GAREM1: variants seen among roughly 807,000 people sequenced by gnomAD.
The protein encoded by GAREM1 is GRB2-associated and regulator of MAPK protein 1.
In GAREM1, 26 loss-of-function variants were observed where a neutral mutation model predicts 71.3. The ratio of observed to expected loss-of-function variants is 0.36; its 90% confidence interval spans 0.27 to 0.51. GAREM1 has a LOEUF of 0.51. Among genes scored for constraint, GAREM1 ranks in the 20% least tolerant of loss-of-function variants. GAREM1 has a pLI of 0.95. For missense variants in GAREM1, 1,026 were observed against 1,103.1 expected (o/e 0.93, Z 0.99); for synonymous variants, 440 against 433.2 (o/e 1.02, Z -0.20).
intron 1 of GAREM1, among the ~76,000 whole-genome samples, chr18:32,420,248 T>G (rs1379103081): frequency 6.6e-6 from 1 of 152,106 alleles, no homozygotes; most frequent in Non-Finnish European, 1.5e-5. Context: ...ACTTCCTTTC[T>G]TTGCTCCTTT....
At chr18:32,367,224 A>T (rs746858773) in intron 2 of GAREM1, among the ~76,000 whole-genome samples, 1 of 152,240 alleles carries the variant, frequency 6.6e-6, no homozygotes. Context: ...TTTTAAAAGA[A>T]ATACCACTTA....
At chr18:32,463,250 G>A (rs766942259) in intron 1 of GAREM1, among the ~76,000 whole-genome samples, 7 of 151,642 alleles carry the variant, frequency 4.6e-5, no homozygotes, top group Admixed American at 2.0e-4. Flanking sequence ...TTTTTAACTA[G>A]TATATGTAAA....
rs991822753 is a variant in GAREM1, at chr18:32,264,219, A to G, written c.*3652T>C. The G allele has an allele frequency of 2.0e-5, 3 of 152,204 alleles. No individual in the cohort carries two copies. Among genetic ancestry groups the G allele is most frequent in the African/African-American group, 7.2e-5 (3 of 41,456 alleles). 9.4% of individuals were successfully genotyped at this position (152,204 alleles called of 1,614,324 possible). On this transcript the variant is annotated 3_prime_UTR_variant, in exon 6 of 6. Coordinates refer to ENST00000269209, the MANE Select transcript of GAREM1 (RefSeq NM_001242409.2). ...GTAACTTGAAAGATAGTGGAAATTG[A>G]TATAAGAGGCATGTTTCTGAAAGCC...
At chr18:32,442,119 A>G (rs1303350780) in intron 1 of GAREM1, among the ~76,000 whole-genome samples, 2 of 152,158 alleles carry the variant, frequency 1.3e-5, no homozygotes, top group South Asian at 2.1e-4. Flanking sequence ...TAAAATTTAT[A>G]TTGAAAATCC....
rs1567972164 is a variant in GAREM1, at chr18:32,343,326, T to TTGTTTTG, written c.263-33004_263-33003insCAAAACA. Among the ~76,000 whole-genome samples, 88 of 150,838 alleles carry TTGTTTTG rather than the reference T, an allele frequency of 5.8e-4. 1 individual carries two copies. The highest frequency in any genetic ancestry group is 2.0e-3 in the African/African-American group (83 of 40,920). ...CTCCCCCACTGTTTTTTTTTTTTTTTTTTTTTGAGACAGAGTCTTGCTCTG... is the reference window on the plus strand; with the variant it reads ...CTCCCCCACTGTTTTTTTTTTTTTTTTGTTTTGTTTTTTGAGACAGAGTCTTGCTCTG... On this transcript the variant is annotated intron_variant, in intron 2 of 5. Coordinates refer to ENST00000269209, the MANE Select transcript of GAREM1 (RefSeq NM_001242409.2).
chr18:32,399,792 T>G (rs1319555225), intron 1 of GAREM1, among the ~76,000 whole-genome samples: 2 of 152,148 alleles, frequency 1.3e-5, no homozygotes, highest in Non-Finnish European at 2.9e-5. Flanking sequence ...AAGCTACCAA[T>G]GACTTTCTTC....
chr18:32,298,582 C>T (rs1384645468), intron 3 of GAREM1, among the ~76,000 whole-genome samples: 1 of 152,058 alleles, frequency 6.6e-6, no homozygotes, highest in Non-Finnish European at 1.5e-5. Context: ...GCTCATAATA[C>T]CACTCAGAAT....
At chr18:32,432,452 A>C (rs8089781) in intron 1 of GAREM1, among the ~76,000 whole-genome samples, 37 of 152,284 alleles carry the variant, frequency 2.4e-4, no homozygotes, top group African/African-American at 8.7e-4. Context: ...ATGAGAACAG[A>C]TATCAATTAA....
chr18:32,336,428 T>G (rs2047596241), intron 2 of GAREM1, among the ~76,000 whole-genome samples: 1 of 92,848 alleles, frequency 1.1e-5, no homozygotes, highest in Admixed American at 1.3e-4. Context: ...AGACTCCGTC[T>G]CAAAAAAAAA....
intron 1 of GAREM1, among the ~76,000 whole-genome samples, chr18:32,404,635 C>A (rs2144675882): frequency 6.6e-6 from 1 of 152,300 alleles, no homozygotes. Context: ...GAAGCTGTAT[C>A]CCTGCAGAAG....
At chr18:32,377,233 C>T (rs1398771753) in intron 2 of GAREM1, among the ~76,000 whole-genome samples, 1 of 152,136 alleles carries the variant, frequency 6.6e-6, no homozygotes, top group Non-Finnish European at 1.5e-5. Context: ...AAAATGTGAA[C>T]CCTTATCTTA....
intron 2 of GAREM1, among the ~76,000 whole-genome samples, chr18:32,313,296 T>C (rs1259287277): frequency 1.3e-5 from 2 of 151,900 alleles, no homozygotes; most frequent in Non-Finnish European, 2.9e-5. Flanking sequence ...GGGAAAAAAG[T>C]AGTGGGATCA....
At chr18:32,439,560 C>T (rs1234463087) in intron 1 of GAREM1, among the ~76,000 whole-genome samples, 1 of 152,046 alleles carries the variant, frequency 6.6e-6, no homozygotes, top group African/African-American at 2.4e-5. Flanking sequence ...CAGGTTGGAC[C>T]TTATCCTGGG....
intron 1 of GAREM1, among the ~76,000 whole-genome samples, chr18:32,403,954 C>T (rs1426430245): frequency 2.0e-5 from 3 of 152,202 alleles, no homozygotes; most frequent in Non-Finnish European, 4.4e-5. Context: ...CTGGTCTATA[C>T]ATTCACCAAC....
Position 32,308,328 on chromosome 18 carries a change from C to T in GAREM1, c.393+1865G>A, listed in dbSNP as rs928546881. On this transcript the variant is annotated intron_variant, in intron 3 of 5. Coordinates refer to ENST00000269209, the MANE Select transcript of GAREM1 (RefSeq NM_001242409.2). ...TCCTCTCAGTCATTCTGACTTACTA[C>T]AAATTCACCAAGAAAAGCTGCTAGA... 1.3e-5 allele frequency among the ~76,000 whole-genome samples: 2 copies of T among 149,776 alleles called. 1 individual carries two copies. Among genetic ancestry groups the T allele is most frequent in the Non-Finnish European group, 3.0e-5 (2 of 67,434 alleles).
chr18:32,459,347 T>C (rs1387994288), intron 1 of GAREM1, among the ~76,000 whole-genome samples: 1 of 151,932 alleles, frequency 6.6e-6, no homozygotes, highest in East Asian at 1.9e-4. Flanking sequence ...TTCATCTATC[T>C]TACACACAAC....
intron 2 of GAREM1, among the ~76,000 whole-genome samples, chr18:32,342,701 C>T (rs1197534995): frequency 6.6e-6 from 1 of 152,142 alleles, no homozygotes; most frequent in Non-Finnish European, 1.5e-5. Context: ...AATCCCCAAC[C>T]CCTTATACAT....
intron 1 of GAREM1, among the ~76,000 whole-genome samples, chr18:32,440,401 C>T (rs758930760): frequency 2.0e-5 from 3 of 152,124 alleles, no homozygotes; most frequent in African/African-American, 4.8e-5. Flanking sequence ...AGAGAATTAA[C>T]CAGCCAGCCC....
intron 2 of GAREM1, among the ~76,000 whole-genome samples, chr18:32,367,242 G>A (rs528526880): frequency 6.6e-6 from 1 of 152,112 alleles, no homozygotes; most frequent in Non-Finnish European, 1.5e-5. Context: ...TTACCTAATA[G>A]CAATAGTGCT....
Sources: allele counts gnomAD v4.1 joint callset (sites outside exome capture counted in the v4.1 genomes callset), GRCh38; gene constraint gnomAD v4.1.1; transcripts MANE v1.5; gene names NCBI Gene and HGNC (gene_info 2026-07-23, HGNC 2026-07-21).